The following BET1 variants were observed in gnomAD, a reference collection of about 807,000 sequenced individuals.
BET1 encodes the protein BET1 homolog.
A neutral mutation model predicts 13.9 loss-of-function variants in BET1; 9 were observed. That is an observed-to-expected ratio of 0.65 (90% CI 0.39 to 1.13). BET1 has a LOEUF of 1.13. BET1 is among the 50% of genes most tolerant of loss of function. The pLI is 0.01. For missense variants in BET1, 127 were observed against 133.6 expected (o/e 0.95, Z 0.24); for synonymous variants, 39 against 47.3 (o/e 0.82, Z 0.72).
chr7:94,000,800 A>G (rs1228560891), intron 1 of BET1, among the ~76,000 whole-genome samples: 1 of 152,204 alleles, frequency 6.6e-6, no homozygotes, highest in African/African-American at 2.4e-5. Flanking sequence ...CAGATTCAAC[A>G]GTGACTTGAG....
At chr7:93,993,059 A>G, downstream of BET1, 1 of 981,514 alleles carries the variant, frequency 1.0e-6, no homozygotes, top group Non-Finnish European at 1.2e-6. Context: ...ATCCAAGAAA[A>G]TACATTCATA....
intron 4 of BET1, among the ~76,000 whole-genome samples, chr7:93,977,335 C>T (rs1383395030): frequency 6.6e-6 from 1 of 151,968 alleles, no homozygotes; most frequent in Non-Finnish European, 1.5e-5. Context: ...GGGGCAGGCA[C>T]CTCTAGTTTT....
chr7:93,984,997 G>T (rs1216552149), intron 4 of BET1, among the ~76,000 whole-genome samples: 1 of 152,060 alleles, frequency 6.6e-6, no homozygotes, highest in African/African-American at 2.4e-5. Context: ...AAGCTATAAA[G>T]AATATATATT....
intron 1 of BET1, among the ~76,000 whole-genome samples, chr7:94,002,600 A>T (rs552247558): frequency 1.3e-5 from 2 of 152,280 alleles, no homozygotes; most frequent in South Asian, 4.1e-4. Flanking sequence ...TCTAATGTAC[A>T]GTCAGGGCTG....
intron 1 of BET1, among the ~76,000 whole-genome samples, chr7:94,000,983 C>T (rs956724783): frequency 2.6e-5 from 4 of 152,122 alleles, no homozygotes; most frequent in African/African-American, 9.7e-5. Context: ...TAAAAACAAA[C>T]AAAACTAGAA....
At chr7:94,003,351 T>C (rs1325848804) in intron 1 of BET1, among the ~76,000 whole-genome samples, 1 of 152,300 alleles carries the variant, frequency 6.6e-6, no homozygotes, top group East Asian at 1.9e-4. Flanking sequence ...TTGGGGATTT[T>C]TTTTTTCTTT....
downstream of BET1, chr7:93,993,240 A>G (rs1795677152): frequency 1.0e-6 from 1 of 966,982 alleles, no homozygotes; most frequent in Non-Finnish European, 1.2e-6. Flanking sequence ...GACTTAAAGA[A>G]GTAACACAGT....
chr7:93,986,280 G>A (rs532363394), intron 4 of BET1, among the ~76,000 whole-genome samples: 120 of 152,274 alleles, frequency 7.9e-4, no homozygotes, highest in Admixed American at 1.5e-3. Flanking sequence ...CCAGGGAATA[G>A]ACTGGAAAGT....
chr7:93,963,608 A>C lies in BET1; in HGVS notation c.*2217T>G, dbSNP rs1795131902. On this transcript the variant is annotated 3_prime_UTR_variant and NMD_transcript_variant, in exon 7 of 7. Transcript: ENST00000357520. ...GTTAATAAATATTTGTTGAATGAAT[A>C]AATAAACTGATCTTTAAGTTGTCTT... 4 of 152,228 alleles carry C rather than the reference A, an allele frequency of 2.6e-5. No homozygotes were observed. The South Asian group carries it at 8.3e-4, about 31-fold the overall frequency. 9.4% of individuals were successfully genotyped at this position (152,228 alleles called of 1,614,324 possible). A position where few individuals can be genotyped will look rare whatever the true frequency, so the allele number is the denominator to read the frequency against.
At chr7:93,992,141 T>C, downstream of BET1, 3 of 985,146 alleles carry the variant, frequency 3.0e-6, no homozygotes, top group Non-Finnish European at 3.6e-6. Flanking sequence ...GACACAGTGA[T>C]GTGAAGGAGC....
intron 4 of BET1, among the ~76,000 whole-genome samples, chr7:93,979,387 A>G (rs1466334292): frequency 1.3e-5 from 2 of 152,146 alleles, no homozygotes; most frequent in East Asian, 3.8e-4. Flanking sequence ...TTATTTCCTG[A>G]AAGCAGTGAC....
intron 6 of BET1, among the ~76,000 whole-genome samples, chr7:93,969,211 G>T (rs1467815862): frequency 6.6e-6 from 1 of 151,808 alleles, no homozygotes; most frequent in African/African-American, 2.4e-5. Context: ...TTCTTCTTGG[G>T]TCCAAGGAAA....
intron 1 of BET1, among the ~76,000 whole-genome samples, chr7:94,003,373 T>C (rs1056988512): frequency 5.3e-5 from 8 of 152,088 alleles, no homozygotes; most frequent in East Asian, 1.9e-4. Context: ...TTCAATCTTA[T>C]AATGACTGAG....
In BET1 at chr7:93,993,296, T is replaced by C. The variant is rs1187273284; in HGVS notation, c.*934A>G. The C allele has an allele frequency of 3.2e-6, 3 of 932,520 alleles. No homozygotes were observed. Among genetic ancestry groups the C allele is most frequent in the Non-Finnish European group, 3.8e-6 (3 of 781,956 alleles). The allele number at this position is 932,520 out of a possible 1,614,324, so 57.8% of individuals were successfully genotyped here. On this transcript the variant is annotated 3_prime_UTR_variant, in exon 4 of 4. Coordinates refer to ENST00000222547, the MANE Select transcript of BET1 (RefSeq NM_005868.6). ...AAAATTTACTTTTGAAGCCTATAAATGGATAAATTCCAAAATACAGAATAT... is the reference window on the plus strand; with the variant it reads ...AAAATTTACTTTTGAAGCCTATAAACGGATAAATTCCAAAATACAGAATAT...
At chr7:93,992,494 A>G, downstream of BET1, 1 of 985,206 alleles carries the variant, frequency 1.0e-6, no homozygotes. Flanking sequence ...AACTTTAATT[A>G]TTGACAATGA....
chr7:93,993,904 C>T lies in BET1; in HGVS notation c.*326G>A. The T allele has an allele frequency of 6.5e-7, 1 of 1,535,832 alleles. No homozygotes were observed. The highest frequency in any genetic ancestry group is 2.4e-5 in the East Asian group (1 of 40,862). ...TCCCACTAAGTTTCCTTACATGGGACATAAACCTGCATTTATGATTACAAC... is the reference window on the plus strand; with the variant it reads ...TCCCACTAAGTTTCCTTACATGGGATATAAACCTGCATTTATGATTACAAC... On this transcript the variant is annotated 3_prime_UTR_variant, in exon 4 of 4. Transcript: ENST00000222547.
chr7:93,988,970 T>A (rs879402364), downstream of BET1, among the ~76,000 whole-genome samples: 321 of 148,062 alleles, frequency 2.2e-3, 1 homozygote, highest in Admixed American at 5.5e-3. Context: ...TATACATATA[T>A]AAAAGATATA....
chr7:93,979,046 C>T (rs1795384452), intron 4 of BET1, among the ~76,000 whole-genome samples: 1 of 152,198 alleles, frequency 6.6e-6, no homozygotes, highest in Non-Finnish European at 1.5e-5. Context: ...ATTGATGCTG[C>T]TGCTTCTGCC....
intron 4 of BET1, among the ~76,000 whole-genome samples, chr7:93,983,278 A>G (rs372202249): frequency 6.6e-6 from 1 of 152,176 alleles, no homozygotes; most frequent in East Asian, 1.9e-4. Context: ...TTCTTCATGG[A>G]GTACGTCTCT....
Sources: allele counts gnomAD v4.1 joint callset (sites outside exome capture counted in the v4.1 genomes callset), GRCh38; gene constraint gnomAD v4.1.1; transcripts MANE v1.5; gene names NCBI Gene and HGNC (gene_info 2026-07-23, HGNC 2026-07-21).